The following APOLD1 variants were observed in gnomAD, a reference collection of about 807,000 sequenced individuals.
APOLD1 encodes apolipoprotein L domain-containing protein 1.
In APOLD1, 22 loss-of-function variants were observed where a neutral mutation model predicts 15.3. That is an observed-to-expected ratio of 1.44 (90% CI 1.03 to 2.05). The LOEUF is 2.05. Ranked by LOEUF, APOLD1 falls within the 30% of genes most tolerant of loss-of-function variation. The pLI, the probability that APOLD1 is intolerant of heterozygous loss-of-function variation, is 0.00. For synonymous variants in APOLD1, 190 were observed against 167.4 expected (o/e 1.13, Z -1.04); for missense variants, 394 against 353.5 (o/e 1.11, Z -0.92).
chr12:12,747,387 G>A lies in APOLD1; in HGVS notation c.96+21291G>A, dbSNP rs558518955. On this transcript the variant is annotated intron_variant, in intron 1 of 1. Coordinates refer to the APOLD1 transcript ENST00000326765. ...TCTGCCTTTTCCTAACTCTGCTCCT[G>A]AGCTGTGATTTAATTGGCAAATTTG... Among the ~76,000 whole-genome samples the A allele has an allele frequency of 2.6e-5, 4 of 152,306 alleles. No individual in the cohort carries two copies. The South Asian group carries it at 8.3e-4, about 32-fold the overall frequency.
chr12:12,744,755 C>A (rs1402109133), intron 1 of APOLD1, among the ~76,000 whole-genome samples: 1 of 152,144 alleles, frequency 6.6e-6, no homozygotes, highest in Admixed American at 6.5e-5. Flanking sequence ...GCCTATTAAG[C>A]TGCTTTCCTG....
intron 1 of APOLD1, among the ~76,000 whole-genome samples, chr12:12,729,293 A>G (rs1946618409): frequency 6.6e-6 from 1 of 152,200 alleles, no homozygotes; most frequent in African/African-American, 2.4e-5. Flanking sequence ...CTGAAGAATT[A>G]AAGAGGATGA....
At chr12:12,758,116 T>A (rs1304012923) in intron 1 of APOLD1, among the ~76,000 whole-genome samples, 1 of 149,688 alleles carries the variant, frequency 6.7e-6, no homozygotes, top group East Asian at 2.0e-4. Flanking sequence ...TTTTTTAATT[T>A]TAGTAGAGAC....
rs1244315203 is a variant in APOLD1, at chr12:12,790,761, TGTGA to T, written c.*3112_*3115del. On this transcript the variant is annotated 3_prime_UTR_variant, in exon 2 of 2. Coordinates refer to ENST00000356591, the MANE Select transcript of APOLD1 (RefSeq NM_030817.3). ...ACAAAAGATCATCCATCGCCTTATG[TGTGA>T]GTAAGATTGGAGCCTCTATCAAGAT... is the stretch of plus-strand genomic sequence containing the variant. 2 of 152,248 alleles carry T rather than the reference TGTGA, an allele frequency of 1.3e-5. No individual in the cohort carries two copies. Among genetic ancestry groups the T allele is most frequent in the Non-Finnish European group, 2.9e-5 (2 of 68,048 alleles). 9.4% of individuals were successfully genotyped at this position (152,248 alleles called of 1,614,324 possible).
intron 1 of APOLD1, among the ~76,000 whole-genome samples, chr12:12,755,609 G>T (rs1946851854): frequency 6.6e-6 from 1 of 152,182 alleles, no homozygotes; most frequent in South Asian, 2.1e-4. Context: ...CCAAGGCCAA[G>T]GCAGGTGGAT....
upstream of APOLD1, among the ~76,000 whole-genome samples, chr12:12,781,620 C>T (rs565640254): frequency 3.3e-5 from 5 of 151,060 alleles, no homozygotes; most frequent in South Asian, 4.2e-4. Flanking sequence ...CTCCACCTCC[C>T]GAGTTCACGC....
At chr12:12,784,883 T>C (rs560575927), upstream of APOLD1, among the ~76,000 whole-genome samples, 1 of 152,358 alleles carries the variant, frequency 6.6e-6, no homozygotes, top group African/African-American at 2.4e-5. Context: ...CTCATGACCC[T>C]GTAGACAGAA....
At chr12:12,746,295 A>G (rs1277873029) in intron 1 of APOLD1, among the ~76,000 whole-genome samples, 1 of 152,202 alleles carries the variant, frequency 6.6e-6, no homozygotes, top group Non-Finnish European at 1.5e-5. Flanking sequence ...CAGGAGTTCG[A>G]GACCAACCTG....
chr12:12,732,923 C>G (rs1946652700), intron 1 of APOLD1, among the ~76,000 whole-genome samples: 1 of 151,776 alleles, frequency 6.6e-6, no homozygotes, highest in Non-Finnish European at 1.5e-5. Flanking sequence ...TGTAGGGTTA[C>G]AGAATTGATT....
intron 1 of APOLD1, among the ~76,000 whole-genome samples, chr12:12,754,897 A>T (rs1397988908): frequency 6.9e-6 from 1 of 145,492 alleles, no homozygotes; most frequent in Non-Finnish European, 1.5e-5. Flanking sequence ...AAAAAAAAAA[A>T]TTAGCCAAGC....
At chr12:12,774,566 A>G (rs1302158462) in intron 1 of APOLD1, among the ~76,000 whole-genome samples, 4 of 142,896 alleles carry the variant, frequency 2.8e-5, no homozygotes, top group South Asian at 2.4e-4. Flanking sequence ...AAAAAAAAAA[A>G]AAAAAAAAGA....
At chr12:12,750,485 T>C (rs1179741648) in intron 1 of APOLD1, among the ~76,000 whole-genome samples, 1 of 152,170 alleles carries the variant, frequency 6.6e-6, no homozygotes, top group Admixed American at 6.5e-5. Flanking sequence ...TCTTTTATCT[T>C]TAATGTCTCA....
At chr12:12,740,429 T>A (rs1041306681) in intron 1 of APOLD1, among the ~76,000 whole-genome samples, 4 of 152,214 alleles carry the variant, frequency 2.6e-5, no homozygotes, top group African/African-American at 9.6e-5. Flanking sequence ...CAGATCTTAT[T>A]TTCTATGGAC....
At chr12:12,750,372 C>CAAAAAAAA (rs34629361) in intron 1 of APOLD1, among the ~76,000 whole-genome samples, 2 of 75,404 alleles carry the variant, frequency 2.7e-5, no homozygotes, top group Non-Finnish European at 5.0e-5. Flanking sequence ...GACTCTGTCT[C>CAAAAAAAA]AAAAAAAAAA....
upstream of APOLD1, among the ~76,000 whole-genome samples, chr12:12,784,148 T>A (rs1364596470): frequency 6.6e-6 from 1 of 152,184 alleles, no homozygotes; most frequent in Non-Finnish European, 1.5e-5. Context: ...ATATTGATGC[T>A]CTGAGGAAGA....
At chr12:12,774,856 T>C (rs1346825617) in intron 1 of APOLD1, among the ~76,000 whole-genome samples, 1 of 152,138 alleles carries the variant, frequency 6.6e-6, no homozygotes, top group East Asian at 1.9e-4. Context: ...TGGTGGGAAT[T>C]TGAAATGGTA....
At chr12:12,781,398 C>T (rs533479500), upstream of APOLD1, among the ~76,000 whole-genome samples, 9 of 151,972 alleles carry the variant, frequency 5.9e-5, no homozygotes, top group African/African-American at 1.5e-4. Context: ...AGGCTGAGAT[C>T]GCGTCATTGC....
chr12:12,770,319 C>T (rs142350639), intron 1 of APOLD1, among the ~76,000 whole-genome samples: 118 of 152,234 alleles, frequency 7.8e-4, no homozygotes, highest in African/African-American at 2.7e-3. Context: ...GCAAGAGAAT[C>T]GCTTGAACCC....
intron 1 of APOLD1, among the ~76,000 whole-genome samples, chr12:12,741,085 A>G (rs1946726987): frequency 6.6e-6 from 1 of 150,932 alleles, no homozygotes; most frequent in South Asian, 2.1e-4. Context: ...TCTTACCAAG[A>G]AAAAAAAAAT....
Sources: gnomAD v4.1 joint callset for allele counts (sites outside exome capture counted in the v4.1 genomes callset) on GRCh38, gnomAD v4.1.1 for gene constraint, MANE v1.5 for transcripts, NCBI Gene and HGNC (gene_info 2026-07-23, HGNC 2026-07-21) for gene names.